Variants in INTS7 observed in about 807,000 individuals in gnomAD.
The protein encoded by INTS7 is chromosome 1 open reading frame 73.
INTS7 carries 46 observed loss-of-function variants against 109.2 expected under a neutral mutation model. The ratio of observed to expected loss-of-function variants is 0.42; its 90% CI spans 0.33 to 0.54. The LOEUF (loss-of-function observed/expected upper bound fraction) is 0.54, where lower values mean the gene tolerates loss of function less well. INTS7 is among the 20% of genes least tolerant of loss of function. The pLI is 0.07. For synonymous variants in INTS7, 412 were observed against 402.9 expected (o/e 1.02, Z -0.27); for missense variants, 929 against 1,132.4 (o/e 0.82, Z 2.58).
chr1:212,026,243 T>G (rs1314225946), intron 1 of INTS7, among the ~76,000 whole-genome samples: 1 of 152,154 alleles, frequency 6.6e-6, no homozygotes, highest in Non-Finnish European at 1.5e-5. Context: ...CATAGGTAAT[T>G]TCTATCATTT....
chr1:211,952,510 A>G (rs758102583), intron 17 of INTS7, 59 bp downstream of exon 17: 1 of 1,554,862 alleles, frequency 6.4e-7, no homozygotes, highest in Non-Finnish European at 8.8e-7. Context: ...TAAGTGCCAT[A>G]AATGTATGAA....
At chr1:212,000,109 A>G (rs1665595003) in intron 7 of INTS7, among the ~76,000 whole-genome samples, 1 of 152,106 alleles carries the variant, frequency 6.6e-6, no homozygotes, top group African/African-American at 2.4e-5. Flanking sequence ...TGTCTCAAAG[A>G]AAAAAAAGAA....
intron 7 of INTS7, among the ~76,000 whole-genome samples, chr1:211,996,370 T>C (rs948495857): frequency 5.9e-5 from 9 of 152,036 alleles, no homozygotes. Context: ...TGAGGTGAAC[T>C]GAGATAGCAC....
chr1:212,001,639 TACTC>T (rs1042345734), intron 7 of INTS7, among the ~76,000 whole-genome samples: 9 of 152,214 alleles, frequency 5.9e-5, no homozygotes, highest in Non-Finnish European at 1.0e-4. Context: ...GAATCCACTC[TACTC>T]AGTCTTTTAC....
intron 16 of INTS7, among the ~76,000 whole-genome samples, chr1:211,965,030 T>C (rs1485972829): frequency 6.6e-6 from 1 of 152,042 alleles, no homozygotes; most frequent in Non-Finnish European, 1.5e-5. Flanking sequence ...ACCTACAGAA[T>C]GGGAGAAAAT....
intron 3 of INTS7, among the ~76,000 whole-genome samples, chr1:212,018,917 T>C (rs138458407): frequency 0.015 from 2,243 of 152,332 alleles, 25 homozygotes; most frequent in Middle Eastern, 0.085. Flanking sequence ...AAAATTCCTA[T>C]AGGTATATTT....
rs1662633483 is a variant in INTS7, at chr1:211,941,617, GT to G, written c.*206del. 4.7e-6 allele frequency: 3 copies of G among 634,610 alleles called. No individual in the cohort carries two copies. The highest frequency in any genetic ancestry group is 5.3e-6 in the Non-Finnish European group (2 of 378,782). 39.3% of individuals were successfully genotyped at this position (634,610 alleles called of 1,614,324 possible). A position where few individuals can be genotyped will look rare whatever the true frequency, so the allele number is the denominator to read the frequency against. On this transcript the variant is annotated 3_prime_UTR_variant, in exon 20 of 20. Coordinates refer to ENST00000366994, the MANE Select transcript of INTS7 (RefSeq NM_015434.4). ...GAGCCGCCCACCTCAGCCTCCCAAA[GT>G]GCTGGGATTACAGGCGTGAGCAACC...
intron 8 of INTS7, among the ~76,000 whole-genome samples, chr1:211,986,528 C>A (rs1281585995): frequency 6.6e-6 from 1 of 152,138 alleles, no homozygotes; most frequent in African/African-American, 2.4e-5. Flanking sequence ...AAGACCACAG[C>A]CCAAAAGACC....
rs1664642797 is a variant in INTS7 at position 211,981,084 on chromosome 1, A to T, written c.1230+9T>A. 1 of 1,574,256 alleles carries T rather than the reference A, an allele frequency of 6.4e-7. No individual in the cohort carries two copies. Among genetic ancestry groups the T allele is most frequent in the Admixed American group, 1.7e-5 (1 of 59,052 alleles). On this transcript the variant is annotated intron_variant, in intron 10 of 19. Coordinates refer to ENST00000366994, the MANE Select transcript of INTS7 (RefSeq NM_015434.4). Reference sequence around the variant, plus strand: ...TATCTATTACAACTTAATAAATAAAAGTTTTCACCTTTAAAGTGGCCTGAG... The same window carrying T: ...TATCTATTACAACTTAATAAATAAATGTTTTCACCTTTAAAGTGGCCTGAG...
chr1:212,012,206 G>A (rs951908754), intron 4 of INTS7, among the ~76,000 whole-genome samples: 2 of 152,042 alleles, frequency 1.3e-5, no homozygotes, highest in Non-Finnish European at 2.9e-5. Flanking sequence ...TGTAACTCCT[G>A]CTTTGCCACC....
intron 7 of INTS7, among the ~76,000 whole-genome samples, chr1:211,994,478 C>T (rs1665287523): frequency 6.9e-6 from 1 of 144,880 alleles, no homozygotes; most frequent in Non-Finnish European, 1.5e-5. Context: ...GGCTGGAGTG[C>T]AATGGCGTGA....
At chr1:212,028,959 T>C (rs894588688) in intron 1 of INTS7, among the ~76,000 whole-genome samples, 13 of 152,228 alleles carry the variant, frequency 8.5e-5, no homozygotes, top group African/African-American at 2.9e-4. Flanking sequence ...CTAACCACTA[T>C]GCTAAAATGC....
chr1:211,992,251 T>A (rs1665179113), intron 7 of INTS7, among the ~76,000 whole-genome samples: 1 of 152,124 alleles, frequency 6.6e-6, no homozygotes, highest in Non-Finnish European at 1.5e-5. Context: ...CCATATTATG[T>A]CTCAGATTGC....
intron 1 of INTS7, among the ~76,000 whole-genome samples, chr1:212,026,401 T>G (rs1464984234): frequency 1.3e-5 from 2 of 152,180 alleles, no homozygotes; most frequent in Non-Finnish European, 2.9e-5. Context: ...ATGGGAAAAT[T>G]AATTAACATT....
chr1:211,984,855 C>T (rs1416625174), intron 8 of INTS7, among the ~76,000 whole-genome samples: 2 of 152,010 alleles, frequency 1.3e-5, no homozygotes, highest in Non-Finnish European at 2.9e-5. Flanking sequence ...GAGACTGCTC[C>T]GTGCCATATT....
intron 4 of INTS7, among the ~76,000 whole-genome samples, chr1:212,013,597 T>C (rs750759120): frequency 3.9e-5 from 6 of 152,236 alleles, no homozygotes; most frequent in African/African-American, 4.8e-5. Context: ...TTCACATTCA[T>C]TTATCACTCA....
At position 211,942,250 on chromosome 1, in the gene INTS7, C is replaced by T. The variant is rs2102374118; in HGVS notation, c.2602-139G>A. On this transcript the variant is annotated intron_variant, in intron 19 of 19. Transcript: ENST00000366994. This position sits in a 1 kb window ranked among gnomAD's most constrained non-coding sequence, Gnocchi z 4.2. ...GGTACTGCTATCATCCTTGCTTCAC[C>T]GATGAGGAGTCTAAGGCAGACAGGT... 5.8e-6 allele frequency: 5 copies of T among 860,326 alleles called. No homozygotes were observed. Among genetic ancestry groups the T allele is most frequent in the South Asian group, 5.1e-5 (3 of 59,240 alleles). The allele number at this position is 860,326 out of a possible 1,614,324, so 53.3% of individuals were successfully genotyped here.
intron 14 of INTS7, among the ~76,000 whole-genome samples, chr1:211,968,298 C>T (rs969593322): frequency 2.8e-4 from 43 of 152,154 alleles, no homozygotes; most frequent in Admixed American, 2.4e-3. Flanking sequence ...TGTCCTTTCT[C>T]TTTATATAAA....
chr1:211,975,232 A>G lies in INTS7; in HGVS notation c.1749T>C (p.Tyr583=), dbSNP rs1158795679. ...CAGCAATGCAAGAAAGTGCTGAACTATAATTTTCCTCTTGCAACCCAGTGA... is the reference window on the plus strand; with the variant it reads ...CAGCAATGCAAGAAAGTGCTGAACTGTAATTTTCCTCTTGCAACCCAGTGA... ...QCLTGLQEEN[Y]SSALSCIAES... Residue 583 remains tyrosine, a synonymous_variant, in exon 13 of 20, where the codon TAT becomes TAC. Transcript: ENST00000366994. 1.2e-6 allele frequency: 2 copies of G among 1,613,894 alleles called. No individual in the cohort carries two copies. Among genetic ancestry groups the G allele is most frequent in the Admixed American group, 1.7e-5 (1 of 60,004 alleles).
Sources: gnomAD v4.1 joint callset for allele counts (sites outside exome capture counted in the v4.1 genomes callset) on GRCh38, gnomAD v4.1.1 for gene constraint, Gnocchi (gnomAD v3.1) non-coding constraint, MANE v1.5 for transcripts, NCBI Gene and HGNC (gene_info 2026-07-23, HGNC 2026-07-21) for gene names.